SHKBP1: variants seen among roughly 807,000 people sequenced by gnomAD.
SHKBP1 encodes SH3KBP1 binding protein 1, also known as SH3KBP1-binding protein 1.
A neutral mutation model predicts 83.9 loss-of-function variants in SHKBP1; 71 were observed. That is an observed-to-expected ratio of 0.85 (90% CI 0.70 to 1.03). SHKBP1 has a LOEUF of 1.03. SHKBP1 is among the 50% of genes least tolerant of loss of function. The pLI, the probability that SHKBP1 is intolerant of heterozygous loss-of-function variation, is 0.00. For synonymous variants in SHKBP1, 371 were observed against 398.0 expected (o/e 0.93, Z 0.81); for missense variants, 824 against 982.4 (o/e 0.84, Z 2.16).
intron 2 of SHKBP1, 22 bp from the exon 3 acceptor site, chr19:40,577,374 G>C (rs200022813): frequency 5.6e-5 from 91 of 1,613,936 alleles, no homozygotes; most frequent in Non-Finnish European, 6.5e-5. Context: ...CGTGACGCCT[G>C]CTCGGTGTCC....
In SHKBP1 at chr19:40,588,858, C is replaced by T. The variant is rs551849092; in HGVS notation, c.1492+79C>T. The T allele has an allele frequency of 6.4e-5, 99 of 1,550,142 alleles. No individual in the cohort carries two copies. In the African/African-American group the frequency reaches 9.9e-4, roughly 16 times the overall value. ...GTTGACCTCCGCTGATTCCCACTTG[C>T]GGCCACCTGACCCAGGAGCCTGCAA... is the stretch of plus-strand genomic sequence containing the variant. On this transcript the variant is annotated intron_variant, in intron 14 of 17. Coordinates refer to ENST00000291842, the MANE Select transcript of SHKBP1 (RefSeq NM_138392.4).
rs753132257 is a variant in SHKBP1, at chr19:40,582,429, G to T, written c.923G>T (p.Arg308Leu). 8 of 1,614,148 alleles carry T rather than the reference G, an allele frequency of 5.0e-6. No homozygotes were observed. Among genetic ancestry groups the T allele is most frequent in the East Asian group, 2.2e-5 (1 of 44,888 alleles). ...CTCATTGCTACAAGCCACACAGGGC[G>T]CATCGGGGTGTGGAATGCCGTCACC... ...NQLIATSHTG[R>L]IGVWNAVTKH... Residue 308 changes from arginine to leucine, a missense_variant, in exon 10 of 18, where the codon CGC becomes CTC. Arg to Leu is a moderately radical substitution (Grantham distance 102). Transcript: ENST00000291842.
At chr19:40,589,939 G>A (rs1178830766) in intron 15 of SHKBP1, among the ~76,000 whole-genome samples, 1 of 151,880 alleles carries the variant, frequency 6.6e-6, no homozygotes, top group East Asian at 1.9e-4. Flanking sequence ...CTTGATGGGA[G>A]GCCAGGAGCC....
At chr19:40,589,511 G>T (rs1242648695) in intron 15 of SHKBP1, among the ~76,000 whole-genome samples, 1 of 123,966 alleles carries the variant, frequency 8.1e-6, no homozygotes, top group Non-Finnish European at 1.7e-5. Flanking sequence ...GGGAGAGGTC[G>T]GGGTGGGATG....
chr19:40,585,227 C>G (rs1260994174), intron 12 of SHKBP1, among the ~76,000 whole-genome samples: 1 of 152,114 alleles, frequency 6.6e-6, no homozygotes, highest in Non-Finnish European at 1.5e-5. Flanking sequence ...CTACCTCAAC[C>G]TCCTGAACAG....
chr19:40,578,193 C>T lies in SHKBP1; in HGVS notation c.300C>T (p.Phe100=), dbSNP rs2081237028. 2 of 1,614,164 alleles carry T rather than the reference C, an allele frequency of 1.2e-6. No homozygotes were observed. The highest frequency in any genetic ancestry group is 2.2e-5 in the East Asian group (1 of 44,878). The change falls in exon 5 of 18, where the codon TTC becomes TTT. Residue 100 remains phenylalanine (F), a synonymous_variant. Transcript: ENST00000291842. ...HGSSLLHEAQ[F]YGLTPLVRRL... ...CCAGCCTCCTCCATGAAGCCCAGTT[C>T]TATGGGCTCACTCCTCTGGGTAAGT...
Position 40,586,847 on chromosome 19 carries a change from G to A in SHKBP1, c.1239G>A (p.Pro413=), listed in dbSNP as rs776306131. 1.2e-5 allele frequency: 19 copies of A among 1,612,264 alleles called. No homozygotes were observed. Among genetic ancestry groups the A allele is most frequent in the Admixed American group, 5.0e-5 (3 of 59,952 alleles). Residue 413 remains proline (P), a synonymous_variant, in exon 13 of 18, where the codon CCG becomes CCA. Transcript: ENST00000291842. ...GCGTGCGGGTCATCGTGCAGCACCCGGAGACTGTGGGCTCGGGGCCTCAGC... is the reference window on the plus strand; with the variant it reads ...GCGTGCGGGTCATCGTGCAGCACCCAGAGACTGTGGGCTCGGGGCCTCAGC... ...SGGVRVIVQH[P]ETVGSGPQLF... is the part of the protein sequence containing the mutation.
chr19:40,581,282 G>A (rs2081267552), intron 9 of SHKBP1, among the ~76,000 whole-genome samples: 1 of 151,870 alleles, frequency 6.6e-6, no homozygotes, highest in East Asian at 1.9e-4. Context: ...AGGCTGAGGC[G>A]GGCAGATCAC....
chr19:40,589,299 G>C, intron 15 of SHKBP1, 121 bp downstream of exon 15: 1 of 993,404 alleles, frequency 1.0e-6, no homozygotes, highest in Non-Finnish European at 1.5e-6. Context: ...CAGCCAAGGA[G>C]CATTGAAGGA....
chr19:40,585,315 C>T (rs1458002101), intron 12 of SHKBP1, among the ~76,000 whole-genome samples: 5 of 151,934 alleles, frequency 3.3e-5, no homozygotes, highest in South Asian at 2.1e-4. Context: ...CCATGTTGCC[C>T]AGGCTACTCT....
At chr19:40,586,688 C>CTCTGT (rs2081314752) in intron 12 of SHKBP1, 86 bp from the exon 13 acceptor site, 1 of 1,311,268 alleles carries the variant, frequency 7.6e-7, no homozygotes, top group African/African-American at 1.5e-5. Flanking sequence ...CTGACTGTGT[C>CTCTGT]TCTGTTCTGT....
rs1229934190 is a variant in SHKBP1, at chr19:40,576,880, A to C, written c.-20A>C. The C allele has an allele frequency of 2.1e-6, 3 of 1,424,042 alleles. No individual in the cohort carries two copies. The highest frequency in any genetic ancestry group is 2.8e-6 in the Non-Finnish European group (3 of 1,077,888). The allele number at this position is 1,424,042 out of a possible 1,614,324, so 88.2% of individuals were successfully genotyped here. On this transcript the variant is annotated 5_prime_UTR_variant, in exon 1 of 18. Coordinates refer to ENST00000291842, the MANE Select transcript of SHKBP1 (RefSeq NM_138392.4). ...GCACACCCGGAAGTGGGTGCGGGCC[A>C]GCCGGCTCGCCCGGGGGCCATGGCA...
In SHKBP1 at chr19:40,591,252, G is replaced by C; in HGVS notation, c.*45G>C. The C allele has an allele frequency of 6.7e-7, 1 of 1,491,658 alleles. No homozygotes were observed. Among genetic ancestry groups the C allele is most frequent in the Non-Finnish European group, 9.0e-7 (1 of 1,106,710 alleles). 92.4% of individuals were successfully genotyped at this position (1,491,658 alleles called of 1,614,324 possible). A position where few individuals can be genotyped will look rare whatever the true frequency, so the allele number is the denominator to read the frequency against. ...GCCTTGGGATGCCCTGGTCCTGGGG[G>C]ACTCAGGTGCCTCCCTGATTCCTGT... On this transcript the variant is annotated 3_prime_UTR_variant, in exon 18 of 18. Transcript: ENST00000291842.
rs373323191 is a variant in SHKBP1, at chr19:40,588,793, C to T, written c.1492+14C>T. The T allele has an allele frequency of 6.2e-6, 10 of 1,611,150 alleles. No homozygotes were observed. In the East Asian group the frequency reaches 8.9e-5, roughly 14 times the overall value. ...GCAATGACATTGGTGCCTACTGGCT[C>T]CTGGCCTTCCCACCCCACTGACCCC... On this transcript the variant is annotated intron_variant, in intron 14 of 17. Coordinates refer to ENST00000291842, the MANE Select transcript of SHKBP1 (RefSeq NM_138392.4).
Position 40,588,744 on chromosome 19 carries a change from A to G in SHKBP1, c.1457A>G (p.Asp486Gly), listed in dbSNP as rs965217023. 6.2e-6 allele frequency: 10 copies of G among 1,613,960 alleles called. No homozygotes were observed. Among genetic ancestry groups the G allele is most frequent in the Non-Finnish European group, 7.6e-6 (9 of 1,180,020 alleles). Residue 486 changes from aspartate to glycine, a missense_variant, in exon 14 of 18, where the codon GAT becomes GGT. Asp to Gly is a moderately conservative substitution (Grantham distance 94). Transcript: ENST00000291842. ...AAGATCCTGGCTCTGGAGTCGGCAG[A>G]TGGGCATGGCGGCTGCAGTGCTGGC... Reference protein sequence around the residue: ...SFKILALESADGHGGCSAGND... With the variant: ...SFKILALESAGGHGGCSAGND...
rs984124946 is a variant in SHKBP1 at position 40,585,113 on chromosome 19, T to TA, written c.1165+1405dup. Among the ~76,000 whole-genome samples, 24 of 150,856 alleles carry TA rather than the reference T, an allele frequency of 1.6e-4. No individual in the cohort carries two copies. The South Asian group carries it at 4.2e-3, about 26-fold the overall frequency. On this transcript the variant is annotated intron_variant, in intron 12 of 17. Transcript: ENST00000291842. ...GTGTGAAGCAGGGATTATTCTTTTT[T>TA]AAAAAAAAATAGAGACAGGGTCTTG...
At chr19:40,586,993 G>C in intron 13 of SHKBP1, 49 bp downstream of exon 13, 1 of 1,503,086 alleles carries the variant, frequency 6.7e-7, no homozygotes, top group Non-Finnish European at 9.0e-7. Flanking sequence ...GCTCAGATGG[G>C]AGTGTGGAGA....
rs1800822518 is a variant in SHKBP1 at position 40,588,777 on chromosome 19, T to A, written c.1490T>A (p.Ile497Asn). ...GHGGCSAGND[I>N]GPYGERDDQQ... is the part of the protein sequence containing the mutation. ...GGCGGCTGCAGTGCTGGCAATGACATTGGTGCCTACTGGCTCCTGGCCTTC... is the reference window on the plus strand; with the variant it reads ...GGCGGCTGCAGTGCTGGCAATGACAATGGTGCCTACTGGCTCCTGGCCTTC... The change falls in exon 14 of 18, where the codon ATT becomes AAT. Residue 497 changes from isoleucine to asparagine, a missense_variant and splice_region_variant. By Grantham distance (149) the Ile-to-Asn change is moderately radical (BLOSUM62 -3). Around this residue, in one of 3 missense-constraint regions of SHKBP1, gnomAD observed 287 missense variants for 322.9 expected, o/e 0.89. Coordinates refer to ENST00000291842, the MANE Select transcript of SHKBP1 (RefSeq NM_138392.4). The A allele has an allele frequency of 6.2e-7, 1 of 1,612,888 alleles. No homozygotes were observed. The highest frequency in any genetic ancestry group is 1.3e-5 in the African/African-American group (1 of 74,928).
rs116465022 is a variant in SHKBP1, at chr19:40,587,749, A to T, written c.1336+805A>T. 5.7e-3 allele frequency among the ~76,000 whole-genome samples: 873 copies of T among 152,228 alleles called. 6 individuals are homozygous for T. Among genetic ancestry groups the T allele is most frequent in the African/African-American group, 0.02 (837 of 41,514 alleles). On this transcript the variant is annotated intron_variant, in intron 13 of 17. Transcript: ENST00000291842. Reference sequence around the variant, plus strand: ...GACATTGTTTCTACAAAAAATTTTTAAAAAATTAGCCAAGTATGGTGGCAT... The same window carrying T: ...GACATTGTTTCTACAAAAAATTTTTTAAAAATTAGCCAAGTATGGTGGCAT...
Sources: gnomAD v4.1 joint callset for allele counts (sites outside exome capture counted in the v4.1 genomes callset) on GRCh38, gnomAD v4.1.1 for gene constraint, gnomAD v4.1.1 regional missense constraint, MANE v1.5 for transcripts, NCBI Gene and HGNC (gene_info 2026-07-23, HGNC 2026-07-21) for gene names.